MORC4: variants seen among roughly 807,000 people sequenced by gnomAD.
The protein encoded by MORC4 is MORC family CW-type zinc finger 4, also known as MORC family CW-type zinc finger protein 4.
Under a neutral mutation model 65.5 loss-of-function variants are expected in MORC4, and 22 were observed. That is an observed-to-expected ratio of 0.34 (90% CI 0.24 to 0.48). The LOEUF is 0.48. Ranked by LOEUF, MORC4 falls within the 20% of genes least tolerant of loss-of-function variation. The probability of loss-of-function intolerance (pLI) is 0.99; values close to 1 mark genes in which losing one functional copy is unlikely to be tolerated. For synonymous variants in MORC4, 267 were observed against 255.8 expected (o/e 1.04, Z -0.42); for missense variants, 624 against 703.0 (o/e 0.89, Z 1.27).
At chrX:106,990,485 T>C (rs1934959389) in intron 3 of MORC4, among the ~76,000 whole-genome samples, 1 of 111,968 alleles carries the variant, frequency 8.9e-6, no homozygotes, top group Non-Finnish European at 1.9e-5. Flanking sequence ...ATCAAACTCC[T>C]GGACTCAGGC....
At chrX:106,965,810 A>C (rs1031585211) in intron 9 of MORC4, among the ~76,000 whole-genome samples, 2 of 112,445 alleles carry the variant, frequency 1.8e-5, no homozygotes, top group Non-Finnish European at 3.7e-5. Context: ...AAATCATTGT[A>C]AACAAGAGTA....
chrX:106,963,325 T>C (rs188593883), intron 9 of MORC4, among the ~76,000 whole-genome samples: 4 of 112,085 alleles, frequency 3.6e-5, no homozygotes, highest in Admixed American at 1.9e-4. Flanking sequence ...CTGGAGTCTA[T>C]TGGAAAGTTT....
At chrX:106,943,293 T>C (rs1168595745) in intron 14 of MORC4, 88 bp from the exon 15 acceptor site, 2 of 702,275 alleles carry the variant, frequency 2.8e-6, no homozygotes, top group Non-Finnish European at 4.3e-6. Flanking sequence ...AAACTTCCCA[T>C]ATTCAGACTG....
intron 4 of MORC4, 77 bp from the exon 5 acceptor site, chrX:106,985,320 A>G (rs1934849055): frequency 4.0e-6 from 3 of 746,593 alleles, no homozygotes; most frequent in South Asian, 3.8e-5. Flanking sequence ...TTTGGATTGC[A>G]TATTTAGACA....
chrX:106,971,873 G>C (rs1569303084), intron 9 of MORC4, among the ~76,000 whole-genome samples: 1 of 112,113 alleles, frequency 8.9e-6, no homozygotes, highest in Non-Finnish European at 1.9e-5. Flanking sequence ...GTTGGTGGGA[G>C]TGTAAATTAG....
At chrX:106,954,754 T>C (rs1262974380) in intron 14 of MORC4, among the ~76,000 whole-genome samples, 159 bp downstream of exon 14, 1 of 112,285 alleles carries the variant, frequency 8.9e-6, no homozygotes, top group Non-Finnish European at 1.9e-5. Flanking sequence ...TGGAGGTACA[T>C]GCAACACACA....
intron 14 of MORC4, among the ~76,000 whole-genome samples, chrX:106,951,178 G>T (rs1933958901): frequency 9.0e-6 from 1 of 110,856 alleles, no homozygotes; most frequent in African/African-American, 3.3e-5. Flanking sequence ...CCCCTTGTTT[G>T]TTATTTCAAG....
At chrX:106,974,755 T>C (rs935342933) in intron 9 of MORC4, among the ~76,000 whole-genome samples, 1 of 111,913 alleles carries the variant, frequency 8.9e-6, no homozygotes, top group Non-Finnish European at 1.9e-5. Context: ...TTGATATCTA[T>C]AATACTCATA....
chrX:106,956,596 G>T, intron 12 of MORC4, 62 bp from the exon 13 acceptor site: 1 of 896,915 alleles, frequency 1.1e-6, no homozygotes, highest in Non-Finnish European at 1.6e-6. Context: ...GAAATGGACT[G>T]CCAATTGTAG....
At chrX:106,975,340 GATT>G (rs1934600436) in intron 9 of MORC4, among the ~76,000 whole-genome samples, 1 of 111,213 alleles carries the variant, frequency 9.0e-6, no homozygotes, top group Non-Finnish European at 1.9e-5. Context: ...CCTGGTCAAA[GATT>G]TCCATTATGG....
intron 3 of MORC4, among the ~76,000 whole-genome samples, chrX:106,989,508 G>A (rs1934936057): frequency 8.9e-6 from 1 of 112,121 alleles, no homozygotes; most frequent in Non-Finnish European, 1.9e-5. Flanking sequence ...TAGAACTTCT[G>A]TAGGCTTAAT....
rs1168185827 is a variant in MORC4, at chrX:106,941,377, A to T, written c.*102T>A. 32 of 158,648 alleles carry T rather than the reference A, an allele frequency of 2.0e-4. No individual in the cohort carries two copies. Among genetic ancestry groups the T allele is most frequent in the African/African-American group, 1.7e-3 (25 of 14,666 alleles). 13.1% of individuals were successfully genotyped at this position (158,648 alleles called of 1,213,427 possible). A position where few individuals can be genotyped will look rare whatever the true frequency, so the allele number is the denominator to read the frequency against. ...TAAGGCATAAAGGTGAGGGTGAGAG[A>T]GAGAGAGAGAGAGAGAGAGAGAGAG... On this transcript the variant is annotated 3_prime_UTR_variant, in exon 17 of 17. Transcript: ENST00000355610.
intron 2 of MORC4, among the ~76,000 whole-genome samples, chrX:106,997,411 T>C (rs1935101516): frequency 9.0e-6 from 1 of 111,526 alleles, no homozygotes; most frequent in Admixed American, 9.5e-5. Flanking sequence ...GATCATGACA[T>C]TCCCCTGCTC....
intron 2 of MORC4, among the ~76,000 whole-genome samples, chrX:106,996,362 G>C (rs1935081856): frequency 9.1e-6 from 1 of 109,858 alleles, no homozygotes; most frequent in Non-Finnish European, 1.9e-5. Context: ...AGTAGGGAAA[G>C]AGAGATCAGT....
chrX:106,942,835 C>T lies in MORC4; in HGVS notation c.2056G>A (p.Val686Ile). The T allele has an allele frequency of 8.3e-7, 1 of 1,211,790 alleles. No homozygotes were observed. The change falls in exon 15 of 17, where the codon GTC (valine) becomes ATC (isoleucine). Residue 686 changes from valine to isoleucine, a missense_variant. Physicochemically the swap from Val to Ile is conservative, Grantham distance 29 (BLOSUM62 3). Transcript: ENST00000355610. Reference sequence around the variant, plus strand: ...ACAGCTACAAAAGGTCCCTTGTTGACTTCTTCTTTGTTTATGGTTGTGCTA... The same window carrying T: ...ACAGCTACAAAAGGTCCCTTGTTGATTTCTTCTTTGTTTATGGTTGTGCTA... ...RGSTTINKEE[V>I]NKGPFVAVVG...
At chrX:106,995,885 C>G (rs1013000225) in intron 2 of MORC4, among the ~76,000 whole-genome samples, 12 of 112,376 alleles carry the variant, frequency 1.1e-4, no homozygotes, top group African/African-American at 3.9e-4. Context: ...GCCAAGCAGG[C>G]CATGAATTGT....
intron 14 of MORC4, among the ~76,000 whole-genome samples, chrX:106,950,227 C>A (rs1285025733): frequency 8.9e-6 from 1 of 112,133 alleles, no homozygotes; most frequent in Non-Finnish European, 1.9e-5. Flanking sequence ...AACTTATGAT[C>A]GCTTGCACAT....
chrX:106,943,164 C>T lies in MORC4; in HGVS notation c.1727G>A (p.Arg576Gln). The change falls in exon 15 of 17, where the codon CGA becomes CAA. Residue 576 changes from arginine to glutamine, a missense_variant. Arg to Gln is a conservative substitution (Grantham distance 43). Coordinates refer to ENST00000355610, the MANE Select transcript of MORC4 (RefSeq NM_024657.5). Reference sequence around the variant, plus strand: ...TGTCATCTCATTCTGGAGCCTTCTTCGTTTCTCCACCGGTTCTTCACCTAG... The same window carrying T: ...TGTCATCTCATTCTGGAGCCTTCTTTGTTTCTCCACCGGTTCTTCACCTAG... Reference protein sequence around the residue: ...WILGEEPVEKRRRLQNEMTTP... With the variant: ...WILGEEPVEKQRRLQNEMTTP... The T allele has an allele frequency of 1.7e-6, 2 of 1,207,647 alleles. No individual in the cohort carries two copies. Among genetic ancestry groups the T allele is most frequent in the Non-Finnish European group, 2.2e-6 (2 of 892,231 alleles).
At chrX:106,974,988 G>GT (rs1004978733) in intron 9 of MORC4, among the ~76,000 whole-genome samples, 2 of 111,406 alleles carry the variant, frequency 1.8e-5, no homozygotes, top group African/African-American at 3.3e-5. Flanking sequence ...GTTATGCTAA[G>GT]TAAGTCAGAA....
Sources: gnomAD v4.1 joint callset for allele counts (sites outside exome capture counted in the v4.1 genomes callset) on GRCh38, gnomAD v4.1.1 for gene constraint, MANE v1.5 for transcripts, NCBI Gene and HGNC (gene_info 2026-07-23, HGNC 2026-07-21) for gene names.